KCNQ1OT1: variants seen among roughly 807,000 people sequenced by gnomAD.
The protein encoded by KCNQ1OT1 is KCNQ1 antisense RNA 2 (non-protein coding).
exon 1 of KCNQ1OT1, chr11:2,648,152 C>T (rs1466386802): frequency 5.3e-6 from 2 of 374,316 alleles, no homozygotes; most frequent in East Asian, 3.7e-5. Context: ...TTACAGTGAG[C>T]CAAGATCACA....
rs1429028954 is a variant in KCNQ1OT1, at chr11:2,623,970, C to T, written n.76025G>A. ...ACCAAACTCTTCTCCACCAGGGCTG[C>T]ACCACTTTACATTCCCATTAATGGT... On this transcript the variant is annotated non_coding_transcript_exon_variant, in exon 1 of 1. Coordinates refer to ENST00000597346, the Ensembl canonical transcript of KCNQ1OT1. The surrounding 1 kb of genome is among the most constrained non-coding windows in gnomAD (Gnocchi z 5.2). 5.0e-6 allele frequency: 2 copies of T among 398,530 alleles called. No individual in the cohort carries two copies. Among genetic ancestry groups the T allele is most frequent in the African/African-American group, 2.1e-5 (1 of 48,628 alleles). The allele number at this position is 398,530 out of a possible 1,614,324, so 24.7% of individuals were successfully genotyped here.
In KCNQ1OT1 at chr11:2,651,932, C is replaced by G. The variant is rs928319164; in HGVS notation, n.48063G>C. The G allele has an allele frequency of 1.3e-5, 5 of 398,620 alleles. No individual in the cohort carries two copies. The highest frequency in any genetic ancestry group is 8.2e-5 in the African/African-American group (4 of 48,636). 24.7% of individuals were successfully genotyped at this position (398,620 alleles called of 1,614,324 possible). A position where few individuals can be genotyped will look rare whatever the true frequency, so the allele number is the denominator to read the frequency against. On this transcript the variant is annotated non_coding_transcript_exon_variant, in exon 1 of 1. Transcript: ENST00000597346. This position sits in a 1 kb window ranked among gnomAD's most constrained non-coding sequence, Gnocchi z 6.1. Reference sequence around the variant, plus strand: ...GGGCCGCTTGCTCTCCTCCTACTCACAGCCCTCCTGCAGCCAGCAGCAGTG... The same window carrying G: ...GGGCCGCTTGCTCTCCTCCTACTCAGAGCCCTCCTGCAGCCAGCAGCAGTG...
rs1346341606 is a variant in KCNQ1OT1 at position 2,683,650 on chromosome 11, T to A, written n.16345A>T. 5.0e-6 allele frequency: 2 copies of A among 398,512 alleles called. No homozygotes were observed. The highest frequency in any genetic ancestry group is 4.1e-5 in the African/African-American group (2 of 48,632). The allele number at this position is 398,512 out of a possible 1,614,324, so 24.7% of individuals were successfully genotyped here. A position where few individuals can be genotyped will look rare whatever the true frequency, so the allele number is the denominator to read the frequency against. On this transcript the variant is annotated non_coding_transcript_exon_variant, in exon 1 of 1. Transcript: ENST00000597346. This position sits in a 1 kb window ranked among gnomAD's most constrained non-coding sequence, Gnocchi z 4.7. ...GGCCCTGCATCTGCTGCAAGGAACATCCCTTACTTTCCCATCTCAATACAA... is the reference window on the plus strand; with the variant it reads ...GGCCCTGCATCTGCTGCAAGGAACAACCCTTACTTTCCCATCTCAATACAA...
chr11:2,617,761 G>C lies in KCNQ1OT1; in HGVS notation n.82234C>G, dbSNP rs1332447287. The C allele has an allele frequency of 1.3e-5, 5 of 398,438 alleles. No homozygotes were observed. The highest frequency in any genetic ancestry group is 2.2e-5 in the Non-Finnish European group (5 of 225,998). The allele number at this position is 398,438 out of a possible 1,614,324, so 24.7% of individuals were successfully genotyped here. On this transcript the variant is annotated non_coding_transcript_exon_variant, in exon 1 of 1. Coordinates refer to ENST00000597346, the Ensembl canonical transcript of KCNQ1OT1. This position sits in a 1 kb window ranked among gnomAD's most constrained non-coding sequence, Gnocchi z 4.6. ...TGAGGTGATATCGCATAGTAATTTT[G>C]ATTTGCATTTCCCTGACGATTAGTG...
chr11:2,664,797 A>C lies in KCNQ1OT1; in HGVS notation n.35198T>G. ...GTGGGTGGGAGGCAGTTACCAAAAA[A>C]CATTTCCATTTTTCTTCAGCATTCT... On this transcript the variant is annotated non_coding_transcript_exon_variant, in exon 1 of 1. Coordinates refer to ENST00000597346, the Ensembl canonical transcript of KCNQ1OT1. The surrounding 1 kb of genome is among the most constrained non-coding windows in gnomAD (Gnocchi z 5.1). 2.5e-6 allele frequency: 1 copy of C among 398,680 alleles called. No individual in the cohort carries two copies. The highest frequency in any genetic ancestry group is 4.4e-6 in the Non-Finnish European group (1 of 226,128). The allele number at this position is 398,680 out of a possible 1,614,324, so 24.7% of individuals were successfully genotyped here.
At chr11:2,667,813 A>T in exon 1 of KCNQ1OT1, 1 of 398,674 alleles carries the variant, frequency 2.5e-6, no homozygotes, top group Non-Finnish European at 4.4e-6. Context: ...CTACCCTGGT[A>T]TAGGGTGGTG....
At chr11:2,610,430 TATATC>T (rs1291404036) in exon 1 of KCNQ1OT1, 3 of 398,318 alleles carry the variant, frequency 7.5e-6, no homozygotes, top group African/African-American at 6.2e-5. Context: ...TTAACCTCCT[TATATC>T]ATATATTTGA....
In KCNQ1OT1 at chr11:2,647,821, GT is replaced by G; in HGVS notation, n.52173del. On this transcript the variant is annotated non_coding_transcript_exon_variant, in exon 1 of 1. Coordinates refer to ENST00000597346, the Ensembl canonical transcript of KCNQ1OT1. The surrounding 1 kb of genome is among the most constrained non-coding windows in gnomAD (Gnocchi z 4.0). ...GTCTCTAATAATCTTTTGTATTTCTGTGGTGTCCATTGTAAGTCTCCTTTTT... is the reference window on the plus strand; with the variant it reads ...GTCTCTAATAATCTTTTGTATTTCTGGGTGTCCATTGTAAGTCTCCTTTTT... 1 of 398,358 alleles carries G rather than the reference GT, an allele frequency of 2.5e-6. No individual in the cohort carries two copies. The allele number at this position is 398,358 out of a possible 1,614,324, so 24.7% of individuals were successfully genotyped here. A position where few individuals can be genotyped will look rare whatever the true frequency, so the allele number is the denominator to read the frequency against.
Position 2,612,072 on chromosome 11 carries a change from ACATTG to A in KCNQ1OT1, n.87918_87922del. ...TATATGTTACAACTTAATTACACAT[ACATTG>A]TTACACATCCTGTTAGGACAGGGGT... is the stretch of plus-strand genomic sequence containing the variant. On this transcript the variant is annotated non_coding_transcript_exon_variant, in exon 1 of 1. Coordinates refer to ENST00000597346, the Ensembl canonical transcript of KCNQ1OT1. This position sits in a 1 kb window ranked among gnomAD's most constrained non-coding sequence, Gnocchi z 5.5. The A allele has an allele frequency of 2.5e-6, 1 of 398,636 alleles. No homozygotes were observed. The highest frequency in any genetic ancestry group is 4.4e-6 in the Non-Finnish European group (1 of 226,070). The allele number at this position is 398,636 out of a possible 1,614,324, so 24.7% of individuals were successfully genotyped here. A position where few individuals can be genotyped will look rare whatever the true frequency, so the allele number is the denominator to read the frequency against.
At chr11:2,639,048 A>G (rs1411190509) in exon 1 of KCNQ1OT1, 6 of 152,166 alleles carry the variant, frequency 3.9e-5, no homozygotes, top group Non-Finnish European at 8.8e-5. Flanking sequence ...TTCTTGTGCC[A>G]TGGTTTTCTG....
In KCNQ1OT1 at chr11:2,645,427, A is replaced by G; in HGVS notation, n.54568T>C. On this transcript the variant is annotated non_coding_transcript_exon_variant, in exon 1 of 1. Coordinates refer to ENST00000597346, the Ensembl canonical transcript of KCNQ1OT1. This position sits in a 1 kb window ranked among gnomAD's most constrained non-coding sequence, Gnocchi z 5.8. ...TGTCCTGAGGCCCTCCAGTAATGCA[A>G]GAATGTACTGACTGTGGTAGGCAGG... 1 of 398,694 alleles carries G rather than the reference A, an allele frequency of 2.5e-6. No homozygotes were observed. Among genetic ancestry groups the G allele is most frequent in the Non-Finnish European group, 4.4e-6 (1 of 226,138 alleles). 24.7% of individuals were successfully genotyped at this position (398,694 alleles called of 1,614,324 possible).
In KCNQ1OT1 at chr11:2,657,423, A is replaced by C. The variant is rs231343; in HGVS notation, n.42572T>G. 44,648 of 398,430 alleles carry C rather than the reference A, an allele frequency of 0.11. 2,684 individuals are homozygous for C. Among genetic ancestry groups the C allele is most frequent in the Middle Eastern group, 0.15 (245 of 1,586 alleles). The allele number at this position is 398,430 out of a possible 1,614,324, so 24.7% of individuals were successfully genotyped here. A position where few individuals can be genotyped will look rare whatever the true frequency, so the allele number is the denominator to read the frequency against. On this transcript the variant is annotated non_coding_transcript_exon_variant, in exon 1 of 1. Coordinates refer to ENST00000597346, the Ensembl canonical transcript of KCNQ1OT1. The surrounding 1 kb of genome is among the most constrained non-coding windows in gnomAD (Gnocchi z 4.8). ...AATTTTCTCCAGAGTTCTTGCATAT[A>C]CTTAGTTAGATAATTAATATTCTTT...
exon 1 of KCNQ1OT1, chr11:2,619,061 A>C (rs1309367004): frequency 5.0e-6 from 2 of 398,372 alleles, no homozygotes; most frequent in East Asian, 7.1e-5. Context: ...TATTAGTTCT[A>C]ACAGGTTGCT....
chr11:2,644,550 CA>C, exon 1 of KCNQ1OT1: 3 of 398,368 alleles, frequency 7.5e-6, no homozygotes, highest in South Asian at 2.6e-4. Flanking sequence ...AAGGTTTCAT[CA>C]ATTTCTTTTT....
exon 1 of KCNQ1OT1, chr11:2,649,205 T>G: frequency 2.5e-6 from 1 of 398,388 alleles, no homozygotes; most frequent in Admixed American, 4.4e-5. Flanking sequence ...TTAAATTACC[T>G]ACATTCAAGA....
rs1850586707 is a variant in KCNQ1OT1 at position 2,691,467 on chromosome 11, CT to C, written n.8527del. Reference sequence around the variant, plus strand: ...ACTGAGTCTCTGATGTTGACAGCCTCTTTGTTTTTTCATCTCAGCCTATTCA... The same window carrying C: ...ACTGAGTCTCTGATGTTGACAGCCTCTTGTTTTTTCATCTCAGCCTATTCA... On this transcript the variant is annotated non_coding_transcript_exon_variant, in exon 1 of 1. Transcript: ENST00000597346. The surrounding 1 kb of genome is among the most constrained non-coding windows in gnomAD (Gnocchi z 6.4). The C allele has an allele frequency of 5.0e-6, 2 of 398,366 alleles. No homozygotes were observed. The allele number at this position is 398,366 out of a possible 1,614,324, so 24.7% of individuals were successfully genotyped here.
At chr11:2,667,846 G>A in exon 1 of KCNQ1OT1, 1 of 398,646 alleles carries the variant, frequency 2.5e-6, no homozygotes, top group Non-Finnish European at 4.4e-6. Context: ...TAGTTAAAGG[G>A]TAATGTGCAT....
At position 2,657,535 on chromosome 11, in the gene KCNQ1OT1, A is replaced by C. The variant is rs1849871395; in HGVS notation, n.42460T>G. On this transcript the variant is annotated non_coding_transcript_exon_variant, in exon 1 of 1. Transcript: ENST00000597346. The surrounding 1 kb of genome is among the most constrained non-coding windows in gnomAD (Gnocchi z 4.8). ...GAAACAAAAATAGTACCGAGTACCC[A>C]CATCCCTTTCACCAGCTTCCCCTAA... 2.5e-6 allele frequency: 1 copy of C among 398,596 alleles called. No individual in the cohort carries two copies. Among genetic ancestry groups the C allele is most frequent in the Non-Finnish European group, 4.4e-6 (1 of 226,058 alleles). 24.7% of individuals were successfully genotyped at this position (398,596 alleles called of 1,614,324 possible). A position where few individuals can be genotyped will look rare whatever the true frequency, so the allele number is the denominator to read the frequency against.
At position 2,671,058 on chromosome 11, in the gene KCNQ1OT1, T is replaced by C; in HGVS notation, n.28937A>G. 1 of 398,676 alleles carries C rather than the reference T, an allele frequency of 2.5e-6. No individual in the cohort carries two copies. Among genetic ancestry groups the C allele is most frequent in the Non-Finnish European group, 4.4e-6 (1 of 226,096 alleles). 24.7% of individuals were successfully genotyped at this position (398,676 alleles called of 1,614,324 possible). A position where few individuals can be genotyped will look rare whatever the true frequency, so the allele number is the denominator to read the frequency against. On this transcript the variant is annotated non_coding_transcript_exon_variant, in exon 1 of 1. Transcript: ENST00000597346. This position sits in a 1 kb window ranked among gnomAD's most constrained non-coding sequence, Gnocchi z 4.7. ...GCAGGGGCTGTATCTGAGGCACACA[T>C]CCTTGGTAGTGACTGGCTAGCAGGA...
Sources: gnomAD v4.1 joint callset for allele counts on GRCh38, gnomAD v4.1.1 for gene constraint, Gnocchi (gnomAD v3.1) non-coding constraint, MANE v1.5 for transcripts, NCBI Gene and HGNC (gene_info 2026-07-23, HGNC 2026-07-21) for gene names.